BICRAL: variants seen among roughly 807,000 people sequenced by gnomAD.
The protein encoded by BICRAL is BRD4-interacting chromatin-remodeling complex-associated protein-like.
A neutral mutation model predicts 91.8 loss-of-function variants in BICRAL; 8 were observed. The observed-to-expected ratio is 0.09, with a 90% confidence interval of 0.05 to 0.16. BICRAL has a LOEUF of 0.16. Ranked by LOEUF, BICRAL falls within the 10% of genes least tolerant of loss-of-function variation. The pLI is 1.00. For synonymous variants in BICRAL, 445 were observed against 491.1 expected (o/e 0.91, Z 1.24); for missense variants, 1,038 against 1,310.9 (o/e 0.79, Z 3.21).
intron 12 of BICRAL, among the ~76,000 whole-genome samples, chr6:42,863,250 G>A (rs937353817): frequency 2.6e-5 from 4 of 151,866 alleles, no homozygotes; most frequent in African/African-American, 7.3e-5. Context: ...GGGTTTCACC[G>A]TGTTAGCCAG....
intron 1 of BICRAL, among the ~76,000 whole-genome samples, chr6:42,809,702 C>T (rs1186753316): frequency 6.6e-6 from 1 of 151,956 alleles, no homozygotes; most frequent in Non-Finnish European, 1.5e-5. Context: ...TCTCCAACTC[C>T]CGAGCTCAAC....
Position 42,829,935 on chromosome 6 carries a change from G to T in BICRAL, c.1602G>T (p.Met534Ile). ...CCACCATGCCATCGGTGACAAGCATGTCAGGACCTAGTCGGTTCCCTGCTG... is the reference window on the plus strand; with the variant it reads ...CCACCATGCCATCGGTGACAAGCATTTCAGGACCTAGTCGGTTCCCTGCTG... The part of the protein sequence containing the change: ...GFATMPSVTS[M>I]SGPSRFPAVS... Residue 534 changes from methionine to isoleucine, a missense_variant, in exon 6 of 13, where the codon ATG becomes ATT. By Grantham distance (10) the Met-to-Ile change is conservative. Around this residue, in one of 5 missense-constraint regions of BICRAL, gnomAD observed 532 missense variants for 724.9 expected, o/e 0.73. Transcript: ENST00000314073. 1 of 1,614,222 alleles carries T rather than the reference G, an allele frequency of 6.2e-7. No individual in the cohort carries two copies. The highest frequency in any genetic ancestry group is 8.5e-7 in the Non-Finnish European group (1 of 1,180,040).
At chr6:42,849,988 G>C (rs1765128833) in intron 6 of BICRAL, among the ~76,000 whole-genome samples, 1 of 151,990 alleles carries the variant, frequency 6.6e-6, no homozygotes, top group Non-Finnish European at 1.5e-5. Flanking sequence ...AGTGAGCCAA[G>C]ATCACACCAG....
chr6:42,770,503 C>T (rs1012004775), intron 1 of BICRAL, among the ~76,000 whole-genome samples: 1 of 151,656 alleles, frequency 6.6e-6, no homozygotes, highest in Non-Finnish European at 1.5e-5. Flanking sequence ...CAACCTCCAC[C>T]TCCCAGGTTC....
At position 42,829,881 on chromosome 6, in the gene BICRAL, C is replaced by T; in HGVS notation, c.1548C>T (p.Ser516=). 1 of 1,614,238 alleles carries T rather than the reference C, an allele frequency of 6.2e-7. No individual in the cohort carries two copies. Among genetic ancestry groups the T allele is most frequent in the Non-Finnish European group, 8.5e-7 (1 of 1,180,048 alleles). The change falls in exon 6 of 13, where the codon AGC becomes AGT. Residue 516 remains serine (S), a synonymous_variant. Transcript: ENST00000314073. The part of the protein sequence containing the change: ...PTVLHLSPGQ[S]SVSQGRPGFA... ...TATTACACCTGTCACCTGGGCAGAG[C>T]AGCGTTTCCCAAGGAAGACCTGGCT...
At chr6:42,756,893 TC>T (rs1170783993) in intron 1 of BICRAL, among the ~76,000 whole-genome samples, 4 of 90,176 alleles carry the variant, frequency 4.4e-5, no homozygotes, top group Admixed American at 1.1e-4. Flanking sequence ...GCGCTCTCTC[TC>T]TCTCTCTCTC....
intron 1 of BICRAL, among the ~76,000 whole-genome samples, chr6:42,771,428 T>C (rs556870573): frequency 5.4e-4 from 81 of 149,128 alleles, no homozygotes; most frequent in Non-Finnish European, 1.1e-3. Flanking sequence ...TAGTGAGAAA[T>C]TGAGCTTCAG....
chr6:42,825,911 A>C (rs1764286222), intron 5 of BICRAL, among the ~76,000 whole-genome samples: 1 of 151,834 alleles, frequency 6.6e-6, no homozygotes, highest in Non-Finnish European at 1.5e-5. Flanking sequence ...GCAAAACCCT[A>C]TCTCTACTAA....
Position 42,829,635 on chromosome 6 carries a change from T to C in BICRAL, c.1302T>C (p.Ser434=), listed in dbSNP as rs1300805217. The C allele has an allele frequency of 6.2e-7, 1 of 1,614,228 alleles. No individual in the cohort carries two copies. The highest frequency in any genetic ancestry group is 8.5e-7 in the Non-Finnish European group (1 of 1,180,044). The part of the protein sequence containing the change: ...LLQTQPSQLI[S]GQVASEHVML... ...AAACTCAACCCTCTCAGCTCATTTC[T>C]GGCCAAGTGGCCTCAGAGCATGTCA... is the stretch of plus-strand genomic sequence containing the variant. The change falls in exon 6 of 13, where the codon TCT becomes TCC. Residue 434 remains serine, a synonymous_variant. Transcript: ENST00000314073.
chr6:42,828,723 A>G lies in BICRAL; in HGVS notation c.390A>G (p.Ile130Met), dbSNP rs1448487432. The change falls in exon 6 of 13, where the codon ATA (isoleucine) becomes ATG (methionine). Residue 130 changes from isoleucine to methionine, a missense_variant. Around this residue, in one of 5 missense-constraint regions of BICRAL, gnomAD observed 532 missense variants for 724.9 expected, o/e 0.73. Coordinates refer to ENST00000314073, the MANE Select transcript of BICRAL (RefSeq NM_001393499.1). ...LAEEAYLDAS[I>M]GSSQQFAQAQ... is the part of the protein sequence containing the mutation. Reference sequence around the variant, plus strand: ...AAGAGGCATATTTGGATGCCAGTATAGGTTCAAGCCAACAGTTTGCACAAG... The same window carrying G: ...AAGAGGCATATTTGGATGCCAGTATGGGTTCAAGCCAACAGTTTGCACAAG... 4 of 1,614,110 alleles carry G rather than the reference A, an allele frequency of 2.5e-6. No individual in the cohort carries two copies. The highest frequency in any genetic ancestry group is 3.4e-6 in the Non-Finnish European group (4 of 1,180,030).
At chr6:42,838,948 G>A (rs757459509) in intron 6 of BICRAL, among the ~76,000 whole-genome samples, 7 of 151,566 alleles carry the variant, frequency 4.6e-5, no homozygotes, top group Non-Finnish European at 7.4e-5. Flanking sequence ...GTGACAGAGC[G>A]AGACTCTGTC....
At chr6:42,747,134 A>C (rs1039340146) in intron 1 of BICRAL, 1 of 152,184 alleles carries the variant, frequency 6.6e-6, no homozygotes, top group Non-Finnish European at 1.5e-5. Context: ...TTGTCACCGG[A>C]AGTGAATGGC....
At chr6:42,819,975 G>A (rs141970235) in intron 2 of BICRAL, among the ~76,000 whole-genome samples, 185 of 152,282 alleles carry the variant, frequency 1.2e-3, no homozygotes, top group Non-Finnish European at 2.2e-3. Flanking sequence ...AGAGAAGGTT[G>A]CACAATGGCT....
chr6:42,772,490 G>A (rs964609384), intron 1 of BICRAL, among the ~76,000 whole-genome samples: 2 of 152,106 alleles, frequency 1.3e-5, no homozygotes, highest in African/African-American at 4.8e-5. Context: ...CTCTGTAAAG[G>A]GACCACAGGG....
chr6:42,828,639 T>A lies in BICRAL; in HGVS notation c.306T>A (p.Pro102=). ...SPLPDLTEDQ[P]FDILQKSLQE... Reference sequence around the variant, plus strand: ...TTCCTGATCTCACTGAGGACCAACCTTTCGACATTCTTCAGAAATCCTTGC... The same window carrying A: ...TTCCTGATCTCACTGAGGACCAACCATTCGACATTCTTCAGAAATCCTTGC... Residue 102 remains proline (P), a synonymous_variant, in exon 6 of 13, where the codon CCT becomes CCA. Transcript: ENST00000314073. The A allele has an allele frequency of 6.2e-7, 1 of 1,614,146 alleles. No homozygotes were observed. The highest frequency in any genetic ancestry group is 8.5e-7 in the Non-Finnish European group (1 of 1,180,020).
chr6:42,785,562 C>CAAAAAAAA (rs5875817), intron 1 of BICRAL, among the ~76,000 whole-genome samples: 1 of 126,856 alleles, frequency 7.9e-6, no homozygotes, highest in African/African-American at 2.9e-5. Flanking sequence ...ACTCCCATCT[C>CAAAAAAAA]AAAAAAAAAA....
intron 1 of BICRAL, among the ~76,000 whole-genome samples, chr6:42,787,231 G>C (rs913456343): frequency 8.5e-5 from 13 of 152,168 alleles, no homozygotes; most frequent in African/African-American, 3.1e-4. Context: ...GCAGGCTCCA[G>C]CCTTGGGCTG....
intron 9 of BICRAL, among the ~76,000 whole-genome samples, 179 bp downstream of exon 9, chr6:42,856,096 G>A (rs1243022112): frequency 2.0e-5 from 3 of 152,036 alleles, no homozygotes; most frequent in Non-Finnish European, 4.4e-5. Context: ...GGAGTCTTAA[G>A]GCAGGAGGAT....
chr6:42,787,073 G>A (rs377661601), intron 1 of BICRAL, among the ~76,000 whole-genome samples: 1 of 152,166 alleles, frequency 6.6e-6, no homozygotes, highest in African/African-American at 2.4e-5. Context: ...GCCCAAGATC[G>A]ATAGTATCTC....
Sources: gnomAD v4.1 joint callset for allele counts (sites outside exome capture counted in the v4.1 genomes callset) on GRCh38, gnomAD v4.1.1 for gene constraint, gnomAD v4.1.1 regional missense constraint, MANE v1.5 for transcripts, NCBI Gene and HGNC (gene_info 2026-07-23, HGNC 2026-07-21) for gene names.